FAM222B: variants seen among roughly 807,000 people sequenced by gnomAD.
FAM222B encodes the protein family with sequence similarity 222 member B, also known as protein FAM222B.
In FAM222B, 12 loss-of-function variants were observed where a neutral mutation model predicts 38.0. That is an observed-to-expected ratio of 0.32 (90% CI 0.20 to 0.51). The LOEUF (loss-of-function observed/expected upper bound fraction) is 0.51. Among genes scored for constraint, FAM222B ranks in the 20% least tolerant of loss-of-function variants. The pLI is 0.97. For synonymous variants in FAM222B, 329 were observed against 317.2 expected, an observed-to-expected ratio of 1.04 and a Z score of -0.40; for missense variants, 716 against 754.2, an observed-to-expected ratio of 0.95 and a Z score of 0.59.
chr17:28,803,269 A>G (rs1227927584), intron 1 of FAM222B, among the ~76,000 whole-genome samples: 1 of 152,006 alleles, frequency 6.6e-6, no homozygotes, highest in Non-Finnish European at 1.5e-5. Flanking sequence ...TGGCCTCCCA[A>G]AGTGTGGAGA....
chr17:28,783,320 C>T (rs528487612), intron 1 of FAM222B, among the ~76,000 whole-genome samples: 15 of 152,084 alleles, frequency 9.9e-5, no homozygotes, highest in African/African-American at 3.4e-4. Flanking sequence ...GGAATATCCA[C>T]GGGTAAATGT....
rs371941436 is a variant in FAM222B at position 28,758,462 on chromosome 17, G to T, written c.1497C>A (p.Thr499=). Residue 499 remains threonine (T), a synonymous_variant, in exon 3 of 3, where the codon ACC becomes ACA. Transcript: ENST00000581407. The part of the protein sequence containing the change: ...AAPGAHYRAG[T]GGGPVASQNS... ...TCTGGCTTGCCACTGGACCGCCCCC[G>T]GTCCCTGCTCGGTAGTGGGCCCCGG... 1.9e-6 allele frequency: 3 copies of T among 1,613,582 alleles called. No homozygotes were observed. Among genetic ancestry groups the T allele is most frequent in the South Asian group, 2.2e-5 (2 of 91,060 alleles).
rs1465303192 is a variant in FAM222B, at chr17:28,759,766, T to C, written c.193A>G (p.Ser65Gly). 2 of 1,613,590 alleles carry C rather than the reference T, an allele frequency of 1.2e-6. No homozygotes were observed. Among genetic ancestry groups the C allele is most frequent in the Non-Finnish European group, 1.7e-6 (2 of 1,179,724 alleles). Residue 65 changes from serine to glycine, a missense_variant, in exon 3 of 3, where the codon AGT becomes GGT. Transcript: ENST00000581407. This position sits in a 1 kb window ranked among gnomAD's most constrained non-coding sequence, Gnocchi z 4.8. ...TGTTTCCGCTGGGGAACCTTCACAC[T>C]GTTGGGGAAGATTTTTATAGTCAGT... Reference protein sequence around the residue: ...NPLTIKIFPNSVKVPQRKHVR... With the variant: ...NPLTIKIFPNGVKVPQRKHVR...
intron 1 of FAM222B, among the ~76,000 whole-genome samples, chr17:28,838,164 CTGAAGCAGGAGAACTGCT>C (rs199888479): frequency 0.056 from 8,469 of 152,192 alleles, 313 homozygotes; most frequent in Middle Eastern, 0.078. Flanking sequence ...ACTCAGGAGG[CTGAAGCAGGAGAACTGCT>C]TGAAGCAGGA....
Position 28,758,704 on chromosome 17 carries a change from A to G in FAM222B, c.1255T>C (p.Ser419Pro), listed in dbSNP as rs1469665849. The G allele has an allele frequency of 1.9e-6, 3 of 1,598,704 alleles. No individual in the cohort carries two copies. Among genetic ancestry groups the G allele is most frequent in the Non-Finnish European group, 1.7e-6 (2 of 1,170,902 alleles). The change falls in exon 3 of 3, where the codon TCC becomes CCC. Residue 419 changes from serine to proline, a missense_variant. Physicochemically the swap from Ser to Pro is moderately conservative, Grantham distance 74. Coordinates refer to ENST00000581407, the MANE Select transcript of FAM222B (RefSeq NM_001077498.3). Reference protein sequence around the residue: ...AYPQELCLAQSFHLKPPLEKP... With the variant: ...AYPQELCLAQPFHLKPPLEKP... ...TCCAGGGGTGGCTTCAGATGGAAGG[A>G]CTGCGCCAGGCAGAGTTCCTGCGGG...
intron 1 of FAM222B, among the ~76,000 whole-genome samples, chr17:28,796,994 CTTTTT>C (rs34242589): frequency 7.4e-5 from 6 of 81,606 alleles, no homozygotes; most frequent in South Asian, 4.8e-4. Context: ...GTGGCTATTG[CTTTTT>C]TTTTTTTTTT....
At chr17:28,842,401 C>T (rs2039074777) in intron 1 of FAM222B, among the ~76,000 whole-genome samples, 2 of 152,050 alleles carry the variant, frequency 1.3e-5, no homozygotes, top group African/African-American at 4.8e-5. Context: ...CTGAAAGAAG[C>T]GGAAAGGAGA....
At chr17:28,813,417 GCTATAAAGTATATAA>G (rs1460014813) in intron 1 of FAM222B, among the ~76,000 whole-genome samples, 1 of 152,076 alleles carries the variant, frequency 6.6e-6, no homozygotes, top group African/African-American at 2.4e-5. Flanking sequence ...GATCCTTTTT[GCTATAAAGTATATAA>G]CTGGTATAAT....
Position 28,756,412 on chromosome 17 carries a change from TAGC to T in FAM222B, c.*1855_*1857del, listed in dbSNP as rs2034694403. ...TGGTGTCTGGTCCAGTTTCCTAAAA[TAGC>T]AGCTCACCTTTCAGGGAGAGGTATT... is the stretch of plus-strand genomic sequence containing the variant. On this transcript the variant is annotated 3_prime_UTR_variant, in exon 3 of 3. Transcript: ENST00000581407. The T allele has an allele frequency of 6.6e-6, 1 of 152,388 alleles. No individual in the cohort carries two copies. The highest frequency in any genetic ancestry group is 6.6e-5 in the Admixed American group (1 of 15,228). The allele number at this position is 152,388 out of a possible 1,614,324, so 9.4% of individuals were successfully genotyped here. A position where few individuals can be genotyped will look rare whatever the true frequency, so the allele number is the denominator to read the frequency against.
chr17:28,842,362 C>T (rs2039072372), intron 1 of FAM222B, among the ~76,000 whole-genome samples: 2 of 152,188 alleles, frequency 1.3e-5, no homozygotes, highest in African/African-American at 4.8e-5. Context: ...AGCTTTCATC[C>T]TCCACCACCC....
chr17:28,792,780 CA>C (rs71135854), intron 1 of FAM222B, among the ~76,000 whole-genome samples: 24,973 of 122,560 alleles, frequency 0.2, 2,050 homozygotes, highest in South Asian at 0.3. Context: ...GGCCCTATTT[CA>C]AAAAAAAAAA....
chr17:28,759,868 T>C lies in FAM222B; in HGVS notation c.91A>G (p.Thr31Ala), dbSNP rs1230142122. Reference sequence around the variant, plus strand: ...TAGTGAGCAGTTCTCATTTTCTGTGTAGTGTCCCCTAGAGAGAGAGAATGG... The same window carrying C: ...TAGTGAGCAGTTCTCATTTTCTGTGCAGTGTCCCCTAGAGAGAGAGAATGG... Reference protein sequence around the residue: ...MNTGLQKWDTTQKMRTAHYPT... With the variant: ...MNTGLQKWDTAQKMRTAHYPT... The change falls in exon 3 of 3, where the codon ACA becomes GCA. Residue 31 changes from threonine (T) to alanine (A), a missense_variant. Thr to Ala is a moderately conservative substitution (Grantham distance 58). Transcript: ENST00000581407. This position sits in a 1 kb window ranked among gnomAD's most constrained non-coding sequence, Gnocchi z 4.8. The C allele has an allele frequency of 9.1e-6, 14 of 1,534,560 alleles. No individual in the cohort carries two copies. The highest frequency in any genetic ancestry group is 1.4e-5 in the African/African-American group (1 of 72,930).
At chr17:28,832,860 G>A (rs1418786600) in intron 1 of FAM222B, among the ~76,000 whole-genome samples, 1 of 151,938 alleles carries the variant, frequency 6.6e-6, no homozygotes, top group African/African-American at 2.4e-5. Flanking sequence ...CTCCAAAAAA[G>A]TGGAAAGTGA....
chr17:28,811,580 A>G (rs1364630103), intron 1 of FAM222B, among the ~76,000 whole-genome samples: 1 of 152,232 alleles, frequency 6.6e-6, no homozygotes, highest in Non-Finnish European at 1.5e-5. Context: ...ACCAACAGAG[A>G]AAAAGATAAG....
chr17:28,815,578 G>A, intron 1 of FAM222B, among the ~76,000 whole-genome samples: 1 of 148,664 alleles, frequency 6.7e-6, no homozygotes, highest in Non-Finnish European at 1.5e-5. Context: ...TGTAATCCCA[G>A]CACTTCGGGA....
intron 1 of FAM222B, among the ~76,000 whole-genome samples, chr17:28,824,973 C>G (rs970360300): frequency 2.0e-5 from 3 of 152,110 alleles, no homozygotes; most frequent in African/African-American, 7.2e-5. Flanking sequence ...CCATGTTGGT[C>G]TGGCTGGTCT....
At chr17:28,811,761 T>G (rs542776515) in intron 1 of FAM222B, among the ~76,000 whole-genome samples, 1 of 152,322 alleles carries the variant, frequency 6.6e-6, no homozygotes, top group East Asian at 1.9e-4. Context: ...TGACTGGGGC[T>G]GCTCCCTCTT....
At chr17:28,804,833 G>GAT (rs1321974490) in intron 1 of FAM222B, among the ~76,000 whole-genome samples, 2 of 148,268 alleles carry the variant, frequency 1.3e-5, no homozygotes, top group East Asian at 4.2e-4. Flanking sequence ...ACAAGGTCAG[G>GAT]ATATCGAGAC....
intron 1 of FAM222B, among the ~76,000 whole-genome samples, chr17:28,827,751 A>C (rs1421902578): frequency 6.6e-6 from 1 of 152,174 alleles, no homozygotes; most frequent in Non-Finnish European, 1.5e-5. Context: ...AAATATAATA[A>C]AGTGAGGAAG....
Sources: allele counts gnomAD v4.1 joint callset (sites outside exome capture counted in the v4.1 genomes callset), GRCh38; gene constraint gnomAD v4.1.1; non-coding constraint Gnocchi (gnomAD v3.1); transcripts MANE v1.5; gene names NCBI Gene and HGNC (gene_info 2026-07-23, HGNC 2026-07-21).